SS18: variants seen among roughly 807,000 people sequenced by gnomAD.
SS18 encodes the protein SS18 subunit of BAF chromatin remodeling complex.
In SS18, 28 loss-of-function variants were observed where a neutral mutation model predicts 72.5. That is an observed-to-expected ratio of 0.39 (90% CI 0.29 to 0.53). SS18 has a LOEUF of 0.53. Ranked by LOEUF, SS18 falls within the 20% of genes least tolerant of loss-of-function variation. The pLI, the probability that SS18 is intolerant of heterozygous loss-of-function variation, is 0.76. For missense variants in SS18, 518 were observed against 535.3 expected (o/e 0.97, Z 0.32); for synonymous variants, 172 against 164.2 (o/e 1.05, Z -0.37).
chr18:26,052,162 G>A (rs2053934180), intron 5 of SS18, among the ~76,000 whole-genome samples: 1 of 152,166 alleles, frequency 6.6e-6, no homozygotes, highest in East Asian at 1.9e-4. Context: ...TCTAAGACAA[G>A]TACAGCAGCA....
At position 26,016,950 on chromosome 18, in the gene SS18, C is replaced by T; in HGVS notation, c.*1404G>A. 1 of 224,960 alleles carries T rather than the reference C, an allele frequency of 4.4e-6. No individual in the cohort carries two copies. Among genetic ancestry groups the T allele is most frequent in the Non-Finnish European group, 8.9e-6 (1 of 112,652 alleles). 13.9% of individuals were successfully genotyped at this position (224,960 alleles called of 1,614,324 possible). On this transcript the variant is annotated 3_prime_UTR_variant, in exon 11 of 11. Transcript: ENST00000415083. ...AAAACCAATTCAATTATAAAGAATA[C>T]ATCTTATTCCCTGGGCATAGGCAAC...
At chr18:26,090,759 C>T, upstream of SS18, 1 of 625,154 alleles carries the variant, frequency 1.6e-6, no homozygotes, top group Non-Finnish European at 2.8e-6. Flanking sequence ...CGCTTCTGCG[C>T]ACTCTGGGGG....
At chr18:26,074,835 T>C (rs1208465725) in intron 3 of SS18, among the ~76,000 whole-genome samples, 2 of 151,928 alleles carry the variant, frequency 1.3e-5, no homozygotes, top group Middle Eastern at 3.4e-3. Flanking sequence ...AAAAAACCCA[T>C]AATAAACATC....
intron 4 of SS18, among the ~76,000 whole-genome samples, chr18:26,054,037 G>T (rs1053854739): frequency 6.6e-6 from 1 of 152,122 alleles, no homozygotes; most frequent in African/African-American, 2.4e-5. Context: ...GACATAAAAT[G>T]ACACAGTATT....
At chr18:26,034,878 A>C in intron 9 of SS18, 127 bp downstream of exon 9, 75 of 1,128,260 alleles carry the variant, frequency 6.6e-5, no homozygotes, top group Non-Finnish European at 8.6e-5. Context: ...TTTTAACAGT[A>C]GACTAGTCTA....
At chr18:26,020,205 C>T (rs1186700303) in intron 10 of SS18, among the ~76,000 whole-genome samples, 1 of 152,098 alleles carries the variant, frequency 6.6e-6, no homozygotes, top group Non-Finnish European at 1.5e-5. Context: ...TCTAAAAAAA[C>T]CTCTGTGAGA....
chr18:26,080,242 A>G, intron 2 of SS18: 1 of 538,894 alleles, frequency 1.9e-6, no homozygotes, highest in Non-Finnish European at 2.4e-6. Context: ...CTTAAAATAT[A>G]GTGTTCCATA....
At chr18:26,042,450 A>G (rs2053745716) in intron 5 of SS18, among the ~76,000 whole-genome samples, 2 of 152,166 alleles carry the variant, frequency 1.3e-5, no homozygotes, top group South Asian at 2.1e-4. Context: ...GGCATATAAC[A>G]AACACTTATC....
chr18:26,046,576 C>T (rs367961563), intron 5 of SS18, among the ~76,000 whole-genome samples: 28 of 152,332 alleles, frequency 1.8e-4, no homozygotes, highest in Non-Finnish European at 1.9e-4. Context: ...AGTGCATATC[C>T]AGATTCTCTG....
chr18:26,050,862 T>C (rs1598567368), intron 5 of SS18, among the ~76,000 whole-genome samples: 1 of 151,854 alleles, frequency 6.6e-6, no homozygotes. Context: ...AGAGCAGAGA[T>C]TGTGCCACTG....
Position 26,033,933 on chromosome 18 carries a change from T to C in SS18, c.1096+1072A>G, listed in dbSNP as rs78322011. Reference sequence around the variant, plus strand: ...CAAAGGCAATAAAACCAGAATATTGTATTTATTCAAAGTATAAATACTAAG... The same window carrying C: ...CAAAGGCAATAAAACCAGAATATTGCATTTATTCAAAGTATAAATACTAAG... On this transcript the variant is annotated intron_variant, in intron 9 of 10. Coordinates refer to ENST00000415083, the MANE Select transcript of SS18 (RefSeq NM_001007559.3). Among the ~76,000 whole-genome samples the C allele has an allele frequency of 7.3e-3, 1,112 of 152,298 alleles. 11 individuals are homozygous for C. Among genetic ancestry groups the C allele is most frequent in the African/African-American group, 0.025 (1,053 of 41,552 alleles).
rs535996469 is a variant in SS18, at chr18:26,017,466, TAACTC to T, written c.*883_*887del. The T allele has an allele frequency of 6.0e-4, 117 of 193,812 alleles. No homozygotes were observed. Among genetic ancestry groups the T allele is most frequent in the African/African-American group, 2.6e-3 (113 of 43,362 alleles). The allele number at this position is 193,812 out of a possible 1,614,324, so 12.0% of individuals were successfully genotyped here. ...TGATATTACTTACTAAGTTCCCTGATAACTCAAACAAGGTAAAATTAACACTTTCA... is the reference window on the plus strand; with the variant it reads ...TGATATTACTTACTAAGTTCCCTGATAAACAAGGTAAAATTAACACTTTCA... On this transcript the variant is annotated 3_prime_UTR_variant, in exon 11 of 11. Transcript: ENST00000415083.
intron 9 of SS18, 29 bp downstream of exon 9, chr18:26,034,976 T>G (rs373461746): frequency 1.1e-4 from 169 of 1,587,352 alleles, no homozygotes; most frequent in South Asian, 2.7e-4. Flanking sequence ...ATTTTTTTGG[T>G]GATAAAAATA....
At chr18:26,075,590 T>A (rs958243032) in intron 3 of SS18, among the ~76,000 whole-genome samples, 1 of 151,932 alleles carries the variant, frequency 6.6e-6, no homozygotes, top group East Asian at 1.9e-4. Flanking sequence ...TTCCTTAATC[T>A]GACAAGTTAT....
chr18:26,071,754 A>G (rs1390503740), intron 3 of SS18, among the ~76,000 whole-genome samples: 2 of 152,110 alleles, frequency 1.3e-5, no homozygotes, highest in African/African-American at 2.4e-5. Flanking sequence ...CTTGAGCCCA[A>G]AAGTTCGAAG....
intron 2 of SS18, chr18:26,084,254 T>C (rs1282434520): frequency 2.0e-5 from 3 of 152,142 alleles, no homozygotes; most frequent in African/African-American, 7.2e-5. Context: ...TAAGTCCATT[T>C]AGAGATAAAT....
At chr18:26,082,406 T>C (rs185889217) in intron 2 of SS18, 4 of 963,790 alleles carry the variant, frequency 4.2e-6, no homozygotes, top group Admixed American at 1.2e-4. Flanking sequence ...ATGCACTTTA[T>C]AGAATAAAAG....
chr18:26,039,098 G>A (rs951086155), intron 6 of SS18, among the ~76,000 whole-genome samples, 191 bp downstream of exon 6: 1 of 112,276 alleles, frequency 8.9e-6, no homozygotes, highest in African/African-American at 3.5e-5. Flanking sequence ...ACTTATTCCA[G>A]AAAATAACAG....
chr18:26,072,033 G>C (rs540335249), intron 3 of SS18, among the ~76,000 whole-genome samples: 1 of 152,124 alleles, frequency 6.6e-6, no homozygotes, highest in South Asian at 2.1e-4. Flanking sequence ...GAAATGGTAA[G>C]TAACTATGTG....
Sources: allele counts gnomAD v4.1 joint callset (sites outside exome capture counted in the v4.1 genomes callset), GRCh38; gene constraint gnomAD v4.1.1; transcripts MANE v1.5; gene names NCBI Gene and HGNC (gene_info 2026-07-23, HGNC 2026-07-21).